The following CCSER1 variants were observed in gnomAD, a reference collection of about 807,000 sequenced individuals.
CCSER1 encodes the protein serine-rich coiled-coil domain-containing protein 1.
In CCSER1, 41 loss-of-function variants were observed where a neutral mutation model predicts 82.0. The ratio of observed to expected loss-of-function variants is 0.50; its 90% confidence interval spans 0.39 to 0.65. The LOEUF (loss-of-function observed/expected upper bound fraction) is 0.65, where lower values mean the gene tolerates loss of function less well. Ranked by LOEUF, CCSER1 falls within the 30% of genes least tolerant of loss-of-function variation. CCSER1 has a pLI of 0.00. For synonymous variants in CCSER1, 414 were observed against 383.9 expected (o/e 1.08, Z -0.92); for missense variants, 1,119 against 1,064.2 (o/e 1.05, Z -0.72).
intron 1 of CCSER1, among the ~76,000 whole-genome samples, chr4:90,185,582 T>A (rs1321795981): frequency 6.6e-6 from 1 of 151,982 alleles, no homozygotes; most frequent in Non-Finnish European, 1.5e-5. Context: ...AAGGAGGAAG[T>A]GCTGACATAA....
intron 10 of CCSER1, among the ~76,000 whole-genome samples, chr4:91,123,432 T>G (rs151079747): frequency 6.6e-6 from 1 of 151,824 alleles, no homozygotes; most frequent in Non-Finnish European, 1.5e-5. Flanking sequence ...GGAAATTATT[T>G]AATATTAAAA....
intron 6 of CCSER1, among the ~76,000 whole-genome samples, chr4:90,714,165 A>G (rs1316218021): frequency 6.6e-6 from 1 of 151,754 alleles, no homozygotes; most frequent in Non-Finnish European, 1.5e-5. Flanking sequence ...TTAAATATCT[A>G]CTTTTAAATA....
intron 10 of CCSER1, among the ~76,000 whole-genome samples, chr4:91,143,386 T>C (rs1729224484): frequency 6.6e-6 from 1 of 152,040 alleles, no homozygotes; most frequent in Admixed American, 6.6e-5. Context: ...TTTTGGCAGA[T>C]TATGTAGCAT....
intron 9 of CCSER1, among the ~76,000 whole-genome samples, chr4:91,051,498 C>G (rs1219242940): frequency 6.6e-6 from 1 of 152,092 alleles, no homozygotes; most frequent in Non-Finnish European, 1.5e-5. Context: ...AAATAACACT[C>G]TTTGACTTTC....
chr4:90,665,893 C>CT (rs1297149666), intron 6 of CCSER1, among the ~76,000 whole-genome samples: 1 of 152,122 alleles, frequency 6.6e-6, no homozygotes, highest in Non-Finnish European at 1.5e-5. Flanking sequence ...TGTGGACCTT[C>CT]TGACAGTGGG....
At chr4:90,437,331 ATAAT>A (rs1759174572) in intron 4 of CCSER1, among the ~76,000 whole-genome samples, 1 of 152,158 alleles carries the variant, frequency 6.6e-6, no homozygotes, top group African/African-American at 2.4e-5. Context: ...GTGTACATAT[ATAAT>A]CTATAGTGAA....
At chr4:91,079,247 A>G (rs189071173) in intron 9 of CCSER1, among the ~76,000 whole-genome samples, 2 of 152,002 alleles carry the variant, frequency 1.3e-5, no homozygotes, top group East Asian at 3.9e-4. Context: ...TCTACACACC[A>G]GAAGAGAGTG....
chr4:91,399,378 C>T (rs1176098920), intron 10 of CCSER1, among the ~76,000 whole-genome samples: 1 of 151,590 alleles, frequency 6.6e-6, no homozygotes, highest in East Asian at 1.9e-4. Context: ...CCAAGGTGTC[C>T]TAATGGAGGG....
At chr4:90,665,883 T>C (rs928988997) in intron 6 of CCSER1, among the ~76,000 whole-genome samples, 1 of 152,162 alleles carries the variant, frequency 6.6e-6, no homozygotes, top group African/African-American at 2.4e-5. Flanking sequence ...TGGGCTCTTA[T>C]GTGGACCTTC....
At chr4:90,874,349 C>T (rs1182451883) in intron 8 of CCSER1, among the ~76,000 whole-genome samples, 2 of 152,010 alleles carry the variant, frequency 1.3e-5, no homozygotes, top group Non-Finnish European at 2.9e-5. Context: ...TGTAGCAAAC[C>T]TCTAAATTTT....
chr4:91,382,805 G>T (rs1162125244), intron 10 of CCSER1, among the ~76,000 whole-genome samples: 2 of 152,074 alleles, frequency 1.3e-5, no homozygotes, highest in African/African-American at 4.8e-5. Context: ...CGCTCATGCT[G>T]GGAGCTGTAG....
At chr4:91,230,813 A>G (rs888303325) in intron 10 of CCSER1, among the ~76,000 whole-genome samples, 1 of 151,944 alleles carries the variant, frequency 6.6e-6, no homozygotes, top group Non-Finnish European at 1.5e-5. Context: ...ACTCTTTAAA[A>G]TATACAAAAT....
intron 3 of CCSER1, among the ~76,000 whole-genome samples, chr4:90,366,300 T>G (rs1746277546): frequency 6.7e-6 from 1 of 149,920 alleles, no homozygotes; most frequent in Admixed American, 6.7e-5. Context: ...TCTTAATCAC[T>G]TTGGAATCAA....
Position 91,218,138 on chromosome 4 carries a change from C to T in CCSER1, c.2217+132144C>T, listed in dbSNP as rs1020036978. Among the ~76,000 whole-genome samples the T allele has an allele frequency of 3.3e-5, 5 of 152,220 alleles. No homozygotes were observed. In the South Asian group the frequency reaches 6.2e-4, roughly 19 times the overall value. On this transcript the variant is annotated intron_variant, in intron 10 of 10. Coordinates refer to ENST00000509176, the MANE Select transcript of CCSER1 (RefSeq NM_001145065.2). ...CCGTGGGAAGGCAGCTAAGGCCCAG[C>T]GAGAAATCGAGCACAGCACGGTGGG...
intron 10 of CCSER1, among the ~76,000 whole-genome samples, chr4:91,211,121 G>A (rs1222927890): frequency 6.6e-6 from 1 of 151,936 alleles, no homozygotes; most frequent in Non-Finnish European, 1.5e-5. Context: ...AAACGAACAC[G>A]GTGGCTGATA....
At chr4:91,044,041 T>C (rs1208910235) in intron 9 of CCSER1, among the ~76,000 whole-genome samples, 1 of 152,162 alleles carries the variant, frequency 6.6e-6, no homozygotes, top group Non-Finnish European at 1.5e-5. Context: ...GACCCAGGTG[T>C]TTACCTCCAA....
chr4:91,422,229 C>A (rs538202228), intron 10 of CCSER1, among the ~76,000 whole-genome samples: 554 of 151,598 alleles, frequency 3.7e-3, no homozygotes, highest in Non-Finnish European at 4.4e-3. Context: ...AAAAAAAAAA[C>A]CCCTGTACAT....
intron 10 of CCSER1, among the ~76,000 whole-genome samples, chr4:91,182,359 T>G (rs979530500): frequency 3.9e-5 from 6 of 152,346 alleles, no homozygotes; most frequent in South Asian, 2.1e-4. Context: ...CTCCACCAAA[T>G]CAGTTGTTCT....
chr4:91,433,209 A>C (rs1271136826), intron 10 of CCSER1, among the ~76,000 whole-genome samples: 3 of 152,202 alleles, frequency 2.0e-5, no homozygotes, highest in Non-Finnish European at 4.4e-5. Context: ...GTCGTGTGCC[A>C]TGTAACAACA....
Sources: gnomAD v4.1 joint callset for allele counts (sites outside exome capture counted in the v4.1 genomes callset) on GRCh38, gnomAD v4.1.1 for gene constraint, MANE v1.5 for transcripts, NCBI Gene and HGNC (gene_info 2026-07-23, HGNC 2026-07-21) for gene names.